Variants in CDH4 observed in about 807,000 individuals in gnomAD.
CDH4 encodes the protein cadherin-4.
In CDH4, 33 loss-of-function variants were observed where a neutral mutation model predicts 86.0. That is an observed-to-expected ratio of 0.38 (90% CI 0.29 to 0.51). CDH4 has a LOEUF of 0.51. Among genes scored for constraint, CDH4 ranks in the 20% least tolerant of loss-of-function variants. The probability of loss-of-function intolerance (pLI) is 0.86; values close to 1 mark genes in which losing one functional copy is unlikely to be tolerated. For synonymous variants in CDH4, 555 were observed against 549.4 expected (o/e 1.01, Z -0.14); for missense variants, 1,114 against 1,307.4 (o/e 0.85, Z 2.28).
At chr20:61,900,343 ACAGTGCAAGCCTCG>A (rs1319011797) in intron 8 of CDH4, among the ~76,000 whole-genome samples, 1 of 151,724 alleles carries the variant, frequency 6.6e-6, no homozygotes, top group Non-Finnish European at 1.5e-5. Context: ...CCTCGGCCGC[ACAGTGCAAGCCTCG>A]GCCATAAATC....
chr20:61,331,654 GCC>G (rs2084578602), intron 2 of CDH4, among the ~76,000 whole-genome samples: 1 of 2,876 alleles, frequency 3.5e-4, no homozygotes, highest in Non-Finnish European at 8.1e-4. Context: ...TCCCGCCCCA[GCC>G]ACCTGCCCCA....
intron 2 of CDH4, among the ~76,000 whole-genome samples, chr20:61,511,744 A>T (rs2085781752): frequency 6.6e-6 from 1 of 152,220 alleles, no homozygotes; most frequent in South Asian, 2.1e-4. Context: ...GAGCCTCTTA[A>T]TCAGAAACAG....
At chr20:61,531,770 C>T (rs940283726) in intron 2 of CDH4, among the ~76,000 whole-genome samples, 8 of 152,218 alleles carry the variant, frequency 5.3e-5, no homozygotes, top group African/African-American at 1.9e-4. Flanking sequence ...GAGTCATCAG[C>T]CTGACGCACA....
At chr20:61,723,623 AC>A (rs2088069406) in intron 2 of CDH4, among the ~76,000 whole-genome samples, 2 of 152,200 alleles carry the variant, frequency 1.3e-5, no homozygotes, top group Admixed American at 1.3e-4. Context: ...TGAGAAGTGA[AC>A]GCACCTGGGA....
chr20:61,587,549 C>A (rs992324867), intron 2 of CDH4, among the ~76,000 whole-genome samples: 2 of 152,092 alleles, frequency 1.3e-5, no homozygotes, highest in Admixed American at 6.5e-5. Context: ...GGGTTCCAGG[C>A]CGAGCGCGGG....
chr20:61,880,543 A>T (rs1321879284), intron 7 of CDH4, among the ~76,000 whole-genome samples: 2 of 152,178 alleles, frequency 1.3e-5, no homozygotes, highest in African/African-American at 2.4e-5. Context: ...AGGAGCCGTC[A>T]TCTTGGGGCT....
intron 2 of CDH4, among the ~76,000 whole-genome samples, chr20:61,358,573 CTAAT>C (rs1448043136): frequency 1.3e-5 from 2 of 152,208 alleles, no homozygotes; most frequent in Non-Finnish European, 2.9e-5. Context: ...CATTATTCTG[CTAAT>C]TAGTAAAACC....
At chr20:61,831,113 C>T (rs1194342178) in intron 4 of CDH4, among the ~76,000 whole-genome samples, 2 of 152,214 alleles carry the variant, frequency 1.3e-5, no homozygotes, top group African/African-American at 2.4e-5. Context: ...TGAAATCGAT[C>T]TTCTCAGCCT....
chr20:61,770,752 G>A lies in CDH4; in HGVS notation c.397-2251G>A, dbSNP rs188209167. Among the ~76,000 whole-genome samples, 295 of 152,040 alleles carry A rather than the reference G, an allele frequency of 1.9e-3. 2 individuals carry two copies. Among genetic ancestry groups the A allele is most frequent in the African/African-American group, 6.9e-3 (288 of 41,526 alleles). On this transcript the variant is annotated intron_variant, in intron 3 of 15. Coordinates refer to ENST00000614565, the MANE Select transcript of CDH4 (RefSeq NM_001794.5). Reference sequence around the variant, plus strand: ...CAAAAAATTAGCCGGGCGTGGTGGCGGGCGCCTGTAGTCCCAGCTACTCAG... The same window carrying A: ...CAAAAAATTAGCCGGGCGTGGTGGCAGGCGCCTGTAGTCCCAGCTACTCAG...
rs114181358 is a variant in CDH4 at position 61,285,356 on chromosome 20, G to A, written c.169+30419G>A. ...GTAGCATAGAGCAGGGGCAGGCATC[G>A]AACCCACAGCTGCCTGCTCTTGACA... On this transcript the variant is annotated intron_variant, in intron 2 of 15. Coordinates refer to ENST00000614565, the MANE Select transcript of CDH4 (RefSeq NM_001794.5). Among the ~76,000 whole-genome samples, 630 of 150,772 alleles carry A rather than the reference G, an allele frequency of 4.2e-3. 3 individuals are homozygous for A. Among genetic ancestry groups the A allele is most frequent in the African/African-American group, 0.012 (484 of 40,140 alleles).
chr20:61,428,557 A>G (rs1307996179), intron 2 of CDH4, among the ~76,000 whole-genome samples: 1 of 152,216 alleles, frequency 6.6e-6, no homozygotes, highest in Non-Finnish European at 1.5e-5. Flanking sequence ...TCATACTCCT[A>G]GCATGGAATA....
At chr20:61,511,871 T>C (rs1197794772) in intron 2 of CDH4, among the ~76,000 whole-genome samples, 2 of 152,224 alleles carry the variant, frequency 1.3e-5, no homozygotes, top group Admixed American at 6.5e-5. Context: ...CTCATTTTTT[T>C]CCATGGGTAT....
intron 2 of CDH4, among the ~76,000 whole-genome samples, chr20:61,301,229 A>G (rs2084384592): frequency 6.6e-6 from 1 of 152,240 alleles, no homozygotes; most frequent in Non-Finnish European, 1.5e-5. Context: ...GCCTGTCTCC[A>G]CAATGGATGC....
chr20:61,498,053 G>A (rs1164456352), intron 2 of CDH4, among the ~76,000 whole-genome samples: 3 of 117,190 alleles, frequency 2.6e-5, no homozygotes, highest in South Asian at 2.9e-4. Context: ...ACAGGGGCCT[G>A]TCATGGGGTG....
chr20:61,605,417 G>A lies in CDH4; in HGVS notation c.170-138146G>A, dbSNP rs557604854. 3.3e-5 allele frequency among the ~76,000 whole-genome samples: 5 copies of A among 151,080 alleles called. No individual in the cohort carries two copies. In the East Asian group the frequency reaches 5.9e-4, roughly 18 times the overall value. On this transcript the variant is annotated intron_variant, in intron 2 of 15. Transcript: ENST00000614565. ...TCTCTGTCTCTACCTCTCTTTGTCTGTTTCTCTATGTATATCTGTCTCCCT... is the reference window on the plus strand; with the variant it reads ...TCTCTGTCTCTACCTCTCTTTGTCTATTTCTCTATGTATATCTGTCTCCCT...
chr20:61,402,831 G>A (rs1367716760), intron 2 of CDH4, among the ~76,000 whole-genome samples: 1 of 152,234 alleles, frequency 6.6e-6, no homozygotes, highest in African/African-American at 2.4e-5. Context: ...TGAAGAAACA[G>A]AATGGTTAAG....
intron 2 of CDH4, among the ~76,000 whole-genome samples, chr20:61,353,073 A>C (rs960465456): frequency 6.6e-6 from 1 of 152,062 alleles, no homozygotes; most frequent in African/African-American, 2.4e-5. Context: ...CTGACCCGCC[A>C]CAGGGGCTCT....
chr20:61,913,334 C>T (rs977672059), intron 9 of CDH4, among the ~76,000 whole-genome samples: 1 of 152,258 alleles, frequency 6.6e-6, no homozygotes, highest in Non-Finnish European at 1.5e-5. Context: ...TCCTGCCCAG[C>T]CCAGGGGCTG....
At chr20:61,365,686 C>T (rs1182433793) in intron 2 of CDH4, among the ~76,000 whole-genome samples, 1 of 152,086 alleles carries the variant, frequency 6.6e-6, no homozygotes, top group African/African-American at 2.4e-5. Context: ...CTCATTGACG[C>T]AGCAGAGTCC....
Sources: gnomAD v4.1 joint callset for allele counts (sites outside exome capture counted in the v4.1 genomes callset) on GRCh38, gnomAD v4.1.1 for gene constraint, MANE v1.5 for transcripts, NCBI Gene and HGNC (gene_info 2026-07-23, HGNC 2026-07-21) for gene names.